Variants in PAAF1 observed in about 807,000 individuals in gnomAD.
PAAF1 encodes the protein proteasomal ATPase-associated factor 1.
PAAF1 carries 46 observed loss-of-function variants against 52.8 expected under a neutral mutation model. The ratio of observed to expected loss-of-function variants is 0.87; its 90% CI spans 0.69 to 1.11. PAAF1 has a LOEUF of 1.11. Among genes scored for constraint, PAAF1 ranks in the 50% most tolerant of loss-of-function variants. The probability of loss-of-function intolerance (pLI) is 0.00; values close to 1 mark genes in which losing one functional copy is unlikely to be tolerated. For missense variants in PAAF1, 424 were observed against 477.4 expected, an observed-to-expected ratio of 0.89 and a Z score of 1.04; for synonymous variants, 178 against 172.8, an observed-to-expected ratio of 1.03 and a Z score of -0.24.
chr11:73,896,931 A>G (rs559341373), intron 4 of PAAF1, among the ~76,000 whole-genome samples: 11 of 118,528 alleles, frequency 9.3e-5, no homozygotes, highest in Admixed American at 3.6e-4. Context: ...GGGGGGGCTG[A>G]CCCCCCAGAC....
upstream of PAAF1, chr11:73,876,838 C>T (rs978610664): frequency 4.4e-5 from 26 of 586,262 alleles, no homozygotes; most frequent in Non-Finnish European, 2.4e-5. Flanking sequence ...ATCCTCTGTA[C>T]ATCCTTTCAG....
At chr11:73,876,917 G>T, upstream of PAAF1, 2 of 1,145,680 alleles carry the variant, frequency 1.7e-6, no homozygotes, top group Non-Finnish European at 1.2e-6. Flanking sequence ...CGTTTTCATT[G>T]GTGGCCTCTT....
intron 5 of PAAF1, 134 bp downstream of exon 5, chr11:73,899,378 T>A: frequency 3.5e-6 from 2 of 564,756 alleles, no homozygotes; most frequent in South Asian, 4.5e-5. Context: ...ATCTCTTTTC[T>A]CCCATTTGTG....
At chr11:73,893,597 CGTG>C in intron 4 of PAAF1, among the ~76,000 whole-genome samples, 1 of 151,054 alleles carries the variant, frequency 6.6e-6, no homozygotes, top group South Asian at 2.1e-4. Flanking sequence ...ATTAGCCAGG[CGTG>C]GTGGCGTGCA....
chr11:73,915,751 A>G (rs1273567549), intron 8 of PAAF1, among the ~76,000 whole-genome samples: 1 of 152,208 alleles, frequency 6.6e-6, no homozygotes, highest in Non-Finnish European at 1.5e-5. Context: ...TAGATTTTTA[A>G]AATTTCCTTC....
chr11:73,886,672 CAAAAAAAAAAAAAAA>C lies in PAAF1; in HGVS notation c.89-670_89-656del, dbSNP rs55697916. Among the ~76,000 whole-genome samples the C allele has an allele frequency of 7.8e-3, 268 of 34,274 alleles. 3 individuals carry two copies. Among genetic ancestry groups the C allele is most frequent in the African/African-American group, 0.024 (248 of 10,478 alleles). The allele number at this position is 34,274 out of a possible 152,430, so 22.5% of individuals were successfully genotyped here. A position where few individuals can be genotyped will look rare whatever the true frequency, so the allele number is the denominator to read the frequency against. ...TGGGCGACAGAGCAAGACTCCATCT[CAAAAAAAAAAAAAAA>C]AAAAAAAAAAAGAAAATGTATTTTA... On this transcript the variant is annotated intron_variant, in intron 2 of 11. Transcript: ENST00000310571.
chr11:73,895,826 G>C (rs543003105), intron 4 of PAAF1, among the ~76,000 whole-genome samples: 5 of 152,226 alleles, frequency 3.3e-5, no homozygotes, highest in African/African-American at 1.2e-4. Flanking sequence ...CAAAAGTGAG[G>C]CTGGGCGCGG....
At chr11:73,892,607 T>G (rs1036533038) in intron 4 of PAAF1, among the ~76,000 whole-genome samples, 1 of 152,208 alleles carries the variant, frequency 6.6e-6, no homozygotes, top group Non-Finnish European at 1.5e-5. Flanking sequence ...CCTTAAATAT[T>G]TTACCAAAAT....
Position 73,900,427 on chromosome 11 carries a change from A to G in PAAF1, c.532+7A>G. 1.3e-6 allele frequency: 2 copies of G among 1,578,978 alleles called. No individual in the cohort carries two copies. The highest frequency in any genetic ancestry group is 1.7e-6 in the Non-Finnish European group (2 of 1,158,052). Reference sequence around the variant, plus strand: ...TTCAAAGGTCACAAAGGAGGTATGAAGTGTGCTTTCTCCAAAAGGCTTCTC... The same window carrying G: ...TTCAAAGGTCACAAAGGAGGTATGAGGTGTGCTTTCTCCAAAAGGCTTCTC... On this transcript the variant is annotated splice_region_variant and intron_variant, in intron 6 of 11. Coordinates refer to ENST00000310571, the MANE Select transcript of PAAF1 (RefSeq NM_025155.3).
At chr11:73,876,915 T>C (rs1228431743), upstream of PAAF1, 1 of 1,122,960 alleles carries the variant, frequency 8.9e-7, no homozygotes, top group Non-Finnish European at 1.2e-6. Flanking sequence ...CACGTTTTCA[T>C]TGGTGGCCTC....
chr11:73,886,139 T>C (rs1481250570), intron 2 of PAAF1, among the ~76,000 whole-genome samples: 1 of 152,218 alleles, frequency 6.6e-6, no homozygotes, highest in Non-Finnish European at 1.5e-5. Flanking sequence ...TTAGCCCATA[T>C]CTCTGCAAAA....
chr11:73,917,552 A>G (rs532757084), intron 9 of PAAF1, among the ~76,000 whole-genome samples: 27 of 152,298 alleles, frequency 1.8e-4, no homozygotes, highest in African/African-American at 5.3e-4. Context: ...GGCTTGGTTC[A>G]AGGCACTGAA....
At chr11:73,893,399 TAAATC>T (rs1949249842) in intron 4 of PAAF1, among the ~76,000 whole-genome samples, 1 of 152,120 alleles carries the variant, frequency 6.6e-6, no homozygotes, top group Admixed American at 6.5e-5. Flanking sequence ...AATCTTATGT[TAAATC>T]AATAAAATGT....
intron 3 of PAAF1, 58 bp downstream of exon 3, chr11:73,887,515 A>G (rs755150859): frequency 3.6e-6 from 4 of 1,099,816 alleles, no homozygotes; most frequent in Non-Finnish European, 5.2e-6. Flanking sequence ...GTACCCAAAC[A>G]TCTACCTTAG....
Position 73,928,511 on chromosome 11 carries a change from T to G in PAAF1, c.*1149T>G, listed in dbSNP as rs1950412015. On this transcript the variant is annotated 3_prime_UTR_variant, in exon 12 of 12. Coordinates refer to ENST00000310571, the MANE Select transcript of PAAF1 (RefSeq NM_025155.3). ...CCATGGCTTATTTTCACTTAATGTCTCTGAGATTTTCCATCTCAGTACATG... is the reference window on the plus strand; with the variant it reads ...CCATGGCTTATTTTCACTTAATGTCGCTGAGATTTTCCATCTCAGTACATG... The G allele has an allele frequency of 6.6e-6, 1 of 150,634 alleles. No individual in the cohort carries two copies. The highest frequency in any genetic ancestry group is 1.5e-5 in the Non-Finnish European group (1 of 67,884). The allele number at this position is 150,634 out of a possible 1,614,324, so 9.3% of individuals were successfully genotyped here. A position where few individuals can be genotyped will look rare whatever the true frequency, so the allele number is the denominator to read the frequency against.
upstream of PAAF1, chr11:73,876,780 C>T: frequency 2.6e-6 from 1 of 386,642 alleles, no homozygotes; most frequent in Non-Finnish European, 4.6e-6. Flanking sequence ...GAAGAGGGCC[C>T]GAACGCACGC....
intron 10 of PAAF1, among the ~76,000 whole-genome samples, chr11:73,921,465 G>GA (rs1462767838): frequency 1.3e-5 from 2 of 152,050 alleles, no homozygotes. Context: ...TAATGCTGCA[G>GA]AAAATTTCAA....
intron 2 of PAAF1, among the ~76,000 whole-genome samples, chr11:73,884,614 A>G (rs1949009668): frequency 6.6e-6 from 1 of 152,184 alleles, no homozygotes; most frequent in South Asian, 2.1e-4. Context: ...CACAATAGGG[A>G]ATCATGGAGT....
intron 11 of PAAF1, among the ~76,000 whole-genome samples, chr11:73,926,668 C>G (rs1357343600): frequency 6.6e-6 from 1 of 152,168 alleles, no homozygotes; most frequent in Non-Finnish European, 1.5e-5. Flanking sequence ...AAGATGGCGT[C>G]ACTGCACTCC....
Sources: gnomAD v4.1 joint callset for allele counts (sites outside exome capture counted in the v4.1 genomes callset) on GRCh38, gnomAD v4.1.1 for gene constraint, MANE v1.5 for transcripts, NCBI Gene and HGNC (gene_info 2026-07-23, HGNC 2026-07-21) for gene names.